Variants in ADGB observed in about 807,000 individuals in gnomAD.
ADGB encodes androglobin.
A neutral mutation model predicts 210.5 loss-of-function variants in ADGB; 172 were observed. That is an observed-to-expected ratio of 0.82 (90% CI 0.72 to 0.93). The LOEUF (loss-of-function observed/expected upper bound fraction) is 0.93. Ranked by LOEUF, ADGB falls within the 40% of genes least tolerant of loss-of-function variation. The probability of loss-of-function intolerance (pLI) is 0.00; values close to 1 mark genes in which losing one functional copy is unlikely to be tolerated. For synonymous variants in ADGB, 658 were observed against 662.7 expected, an observed-to-expected ratio of 0.99 and a Z score of 0.11; for missense variants, 2,025 against 1,964.8, an observed-to-expected ratio of 1.03 and a Z score of -0.58.
intron 10 of ADGB, among the ~76,000 whole-genome samples, chr6:146,688,403 C>G (rs1237054150): frequency 5.3e-5 from 8 of 152,018 alleles, no homozygotes; most frequent in Non-Finnish European, 8.8e-5. Context: ...AGAAGTTAGG[C>G]AAGTAAATGG....
chr6:146,650,113 C>G (rs768817382), intron 3 of ADGB, among the ~76,000 whole-genome samples: 2 of 152,126 alleles, frequency 1.3e-5, no homozygotes, highest in Admixed American at 6.6e-5. Context: ...GTCCACATGG[C>G]TAAACTTTCT....
At chr6:146,753,827 A>C (rs1777361478) in intron 27 of ADGB, among the ~76,000 whole-genome samples, 1 of 151,872 alleles carries the variant, frequency 6.6e-6, no homozygotes, top group Non-Finnish European at 1.5e-5. Context: ...GATCATAATC[A>C]TAACTTTGTA....
At chr6:146,634,266 C>T (rs997507370) in intron 1 of ADGB, among the ~76,000 whole-genome samples, 1 of 152,082 alleles carries the variant, frequency 6.6e-6, no homozygotes, top group African/African-American at 2.4e-5. Flanking sequence ...TGTGTAAGCA[C>T]ACTCTGTTGT....
intron 7 of ADGB, among the ~76,000 whole-genome samples, chr6:146,669,321 T>TCAC (rs977539038): frequency 6.6e-6 from 1 of 152,028 alleles, no homozygotes; most frequent in Non-Finnish European, 1.5e-5. Flanking sequence ...TATTTTCCAG[T>TCAC]CACCAGTTCA....
intron 5 of ADGB, among the ~76,000 whole-genome samples, chr6:146,659,483 T>G (rs1775827077): frequency 6.6e-6 from 1 of 152,210 alleles, no homozygotes; most frequent in Non-Finnish European, 1.5e-5. Flanking sequence ...TTCTTCTCCC[T>G]CATTCACTTT....
chr6:146,791,479 G>C (rs1583641040), intron 33 of ADGB, among the ~76,000 whole-genome samples: 1 of 151,862 alleles, frequency 6.6e-6, no homozygotes, highest in Non-Finnish European at 1.5e-5. Context: ...GAGTAGCTGA[G>C]ACTATAAGCG....
At chr6:146,784,187 A>T (rs547823346) in intron 30 of ADGB, among the ~76,000 whole-genome samples, 13 of 152,292 alleles carry the variant, frequency 8.5e-5, no homozygotes, top group Admixed American at 8.5e-4. Flanking sequence ...TCTAATTCTC[A>T]CACCTCATCT....
intron 12 of ADGB, among the ~76,000 whole-genome samples, chr6:146,698,501 A>C (rs182222451): frequency 3.5e-4 from 54 of 152,326 alleles, no homozygotes; most frequent in African/African-American, 1.3e-3. Flanking sequence ...TTATAATACT[A>C]AAGATATTCT....
intron 12 of ADGB, among the ~76,000 whole-genome samples, chr6:146,700,565 G>T (rs1776476462): frequency 6.6e-6 from 1 of 152,088 alleles, no homozygotes; most frequent in South Asian, 2.1e-4. Context: ...AAACTTAAGT[G>T]CTCAAGACTC....
chr6:146,730,305 G>A (rs1487759663), intron 20 of ADGB, among the ~76,000 whole-genome samples: 1 of 152,150 alleles, frequency 6.6e-6, no homozygotes, highest in African/African-American at 2.4e-5. Flanking sequence ...GTTGAATGAA[G>A]TTTAAGCCAG....
chr6:146,779,207 C>T (rs958063490), intron 29 of ADGB, among the ~76,000 whole-genome samples: 5 of 152,180 alleles, frequency 3.3e-5, no homozygotes, highest in Non-Finnish European at 5.9e-5. Flanking sequence ...GAAGACTCCA[C>T]TTAAAAGCTG....
chr6:146,656,778 G>A lies in ADGB; in HGVS notation c.410G>A (p.Arg137Lys), dbSNP rs756654457. Reference protein sequence around the residue: ...NEHLLCSELMRWIISEIYAVW... With the variant: ...NEHLLCSELMKWIISEIYAVW... Reference sequence around the variant, plus strand: ...AATGTTTTTTATCTCTAGCTGATGAGATGGATTATCAGTGAAATCTATGCA... The same window carrying A: ...AATGTTTTTTATCTCTAGCTGATGAAATGGATTATCAGTGAAATCTATGCA... Residue 137 changes from arginine (R) to lysine (K), a missense_variant, in exon 5 of 36, where the codon AGA becomes AAA. By Grantham distance (26) the Arg-to-Lys change is conservative. Coordinates refer to ENST00000397944, the MANE Select transcript of ADGB (RefSeq NM_024694.4). The A allele has an allele frequency of 2.0e-6, 3 of 1,531,494 alleles. No individual in the cohort carries two copies. The highest frequency in any genetic ancestry group is 2.1e-5 in the Admixed American group (1 of 48,186). 94.9% of individuals were successfully genotyped at this position (1,531,494 alleles called of 1,614,324 possible).
chr6:146,802,499 G>A (rs1173693212), intron 35 of ADGB: 6 of 263,256 alleles, frequency 2.3e-5, no homozygotes, highest in Admixed American at 1.0e-4. Flanking sequence ...TTAAAATCCA[G>A]TAGTTCTTAA....
intron 27 of ADGB, among the ~76,000 whole-genome samples, chr6:146,763,086 C>T (rs1777519120): frequency 6.6e-6 from 1 of 152,158 alleles, no homozygotes; most frequent in South Asian, 2.1e-4. Flanking sequence ...AACCTAGCAG[C>T]ACTGCTGTTC....
In ADGB at chr6:146,656,882, A is replaced by C; in HGVS notation, c.514A>C (p.Lys172Gln). 1.3e-6 allele frequency: 2 copies of C among 1,551,388 alleles called. No individual in the cohort carries two copies. The highest frequency in any genetic ancestry group is 1.7e-6 in the Non-Finnish European group (2 of 1,146,670). Reference protein sequence around the residue: ...TSGEPPLLPWKPWEHIYSLCK... With the variant: ...TSGEPPLLPWQPWEHIYSLCK... Reference sequence around the variant, plus strand: ...AGGGGAACCTCCTCTTCTCCCCTGGAAGCCCTGGGAACACATATACTCTCT... The same window carrying C: ...AGGGGAACCTCCTCTTCTCCCCTGGCAGCCCTGGGAACACATATACTCTCT... Residue 172 changes from lysine to glutamine, a missense_variant, in exon 5 of 36, where the codon AAG (lysine) becomes CAG (glutamine). Coordinates refer to ENST00000397944, the MANE Select transcript of ADGB (RefSeq NM_024694.4).
At chr6:146,684,008 C>A (rs1776190313) in intron 9 of ADGB, among the ~76,000 whole-genome samples, 1 of 152,044 alleles carries the variant, frequency 6.6e-6, no homozygotes, top group Admixed American at 6.6e-5. Context: ...AATAGATCAA[C>A]CTGAACGAGC....
At chr6:146,709,583 C>A (rs1008849383) in intron 13 of ADGB, among the ~76,000 whole-genome samples, 1 of 152,186 alleles carries the variant, frequency 6.6e-6, no homozygotes, top group Non-Finnish European at 1.5e-5. Flanking sequence ...CTGGCATAGA[C>A]CTAGAGTACC....
chr6:146,795,537 A>C (rs1778027372), intron 33 of ADGB, among the ~76,000 whole-genome samples: 1 of 152,176 alleles, frequency 6.6e-6, no homozygotes, highest in South Asian at 2.1e-4. Context: ...TGCAGCCAAT[A>C]AGCACATGAA....
chr6:146,744,676 A>G (rs184647125), intron 25 of ADGB, among the ~76,000 whole-genome samples: 1 of 152,260 alleles, frequency 6.6e-6, no homozygotes, highest in East Asian at 1.9e-4. Context: ...TCAAGACCAT[A>G]CACTGTAATT....
Sources: allele counts gnomAD v4.1 joint callset (sites outside exome capture counted in the v4.1 genomes callset), GRCh38; gene constraint gnomAD v4.1.1; transcripts MANE v1.5; gene names NCBI Gene and HGNC (gene_info 2026-07-23, HGNC 2026-07-21).